The following ANKRD6 variants were observed in gnomAD, a reference collection of about 807,000 sequenced individuals.
ANKRD6 encodes the protein ankyrin repeat domain-containing protein 6.
Under a neutral mutation model 82.3 loss-of-function variants are expected in ANKRD6, and 56 were observed. That is an observed-to-expected ratio of 0.68 (90% CI 0.55 to 0.85). ANKRD6 has a LOEUF of 0.85. Ranked by LOEUF, ANKRD6 falls within the 40% of genes least tolerant of loss-of-function variation. The probability of loss-of-function intolerance (pLI) is 0.00; values close to 1 mark genes in which losing one functional copy is unlikely to be tolerated. For synonymous variants in ANKRD6, 347 were observed against 352.1 expected, an observed-to-expected ratio of 0.99 and a Z score of 0.16; for missense variants, 852 against 907.6, an observed-to-expected ratio of 0.94 and a Z score of 0.79.
chr6:89,509,021 C>G (rs1780208563), intron 1 of ANKRD6: 1 of 152,306 alleles, frequency 6.6e-6, no homozygotes, highest in Non-Finnish European at 1.5e-5. Flanking sequence ...AGCTCTTGCA[C>G]AGGGATGGGA....
intron 1 of ANKRD6, among the ~76,000 whole-genome samples, chr6:89,487,736 T>A (rs1171724056): frequency 6.6e-6 from 1 of 152,192 alleles, no homozygotes; most frequent in Non-Finnish European, 1.5e-5. Flanking sequence ...CCTTCTCTCA[T>A]TGATCAAGGA....
intron 1 of ANKRD6, among the ~76,000 whole-genome samples, chr6:89,485,336 C>T (rs1163170959): frequency 1.3e-5 from 2 of 152,146 alleles, no homozygotes; most frequent in African/African-American, 4.8e-5. Context: ...TCAGGACATG[C>T]GGCTGTGGCA....
At chr6:89,579,960 G>A (rs927632176) in intron 2 of ANKRD6, among the ~76,000 whole-genome samples, 2 of 152,036 alleles carry the variant, frequency 1.3e-5, no homozygotes, top group Non-Finnish European at 2.9e-5. Flanking sequence ...GGACATACTG[G>A]TATCTTCCAG....
intron 1 of ANKRD6, among the ~76,000 whole-genome samples, chr6:89,517,527 G>A (rs1045691681): frequency 6.6e-6 from 1 of 152,122 alleles, no homozygotes; most frequent in Non-Finnish European, 1.5e-5. Flanking sequence ...GTATAATGTC[G>A]AAAGAAGTTG....
chr6:89,502,704 T>G (rs1412802024), intron 1 of ANKRD6, among the ~76,000 whole-genome samples: 1 of 152,236 alleles, frequency 6.6e-6, no homozygotes, highest in African/African-American at 2.4e-5. Flanking sequence ...TTTTGGCTAT[T>G]GTCAAGAAAA....
chr6:89,508,784 T>A (rs1300849709), intron 1 of ANKRD6: 4 of 152,224 alleles, frequency 2.6e-5, no homozygotes, highest in Admixed American at 2.0e-4. Flanking sequence ...GGGAGATTTT[T>A]AAGAAAATCT....
chr6:89,600,339 G>C (rs1377887631), intron 3 of ANKRD6, among the ~76,000 whole-genome samples: 3 of 152,190 alleles, frequency 2.0e-5, no homozygotes, highest in Admixed American at 1.3e-4. Flanking sequence ...CCAAGGCTTA[G>C]GTTAGTCTGT....
intron 3 of ANKRD6, among the ~76,000 whole-genome samples, chr6:89,598,911 C>T (rs535279545): frequency 5.9e-5 from 9 of 152,232 alleles, no homozygotes; most frequent in African/African-American, 9.6e-5. Context: ...TTCTGAGGCT[C>T]GTCCTAAGGT....
chr6:89,498,331 G>A (rs1383453083), intron 1 of ANKRD6, among the ~76,000 whole-genome samples: 1 of 152,112 alleles, frequency 6.6e-6, no homozygotes, highest in African/African-American at 2.4e-5. Flanking sequence ...GGCTACCTAG[G>A]TAAGGGGGAA....
At chr6:89,454,259 T>G (rs1773240470) in intron 1 of ANKRD6, among the ~76,000 whole-genome samples, 1 of 152,230 alleles carries the variant, frequency 6.6e-6, no homozygotes, top group Non-Finnish European at 1.5e-5. Context: ...ATTCCCATGG[T>G]CAGCTATTTC....
At chr6:89,514,377 C>A (rs908876497) in intron 1 of ANKRD6, among the ~76,000 whole-genome samples, 2 of 150,966 alleles carry the variant, frequency 1.3e-5, no homozygotes, top group African/African-American at 4.9e-5. Flanking sequence ...GACTCCATCT[C>A]AAAAAAAAAA....
chr6:89,446,800 A>G (rs187226565), intron 1 of ANKRD6, among the ~76,000 whole-genome samples: 3 of 152,272 alleles, frequency 2.0e-5, no homozygotes, highest in Admixed American at 2.0e-4. Context: ...TAATTTAATC[A>G]TGGGGGCAGT....
At chr6:89,565,105 C>T (rs1181858331) in intron 1 of ANKRD6, 1 of 152,218 alleles carries the variant, frequency 6.6e-6, no homozygotes, top group African/African-American at 2.4e-5. Context: ...AGACTGTGGC[C>T]GTTCAGCGTG....
intron 1 of ANKRD6, among the ~76,000 whole-genome samples, chr6:89,435,487 CT>C (rs1770522126): frequency 6.6e-6 from 1 of 152,138 alleles, no homozygotes; most frequent in African/African-American, 2.4e-5. Flanking sequence ...CTTTATTTTT[CT>C]TTTTTTCTCA....
chr6:89,585,638 A>C (rs1256786331), intron 2 of ANKRD6, among the ~76,000 whole-genome samples: 2 of 152,180 alleles, frequency 1.3e-5, no homozygotes, highest in African/African-American at 4.8e-5. Context: ...GCCAGATGTG[A>C]TGGCTCACGC....
intron 1 of ANKRD6, among the ~76,000 whole-genome samples, chr6:89,472,332 A>G (rs1200161641): frequency 6.6e-6 from 1 of 152,172 alleles, no homozygotes; most frequent in Non-Finnish European, 1.5e-5. Context: ...TTCAATCCAT[A>G]ACAGCAACCC....
chr6:89,487,469 A>G (rs1340812863), intron 1 of ANKRD6, among the ~76,000 whole-genome samples: 1 of 152,228 alleles, frequency 6.6e-6, no homozygotes, highest in East Asian at 1.9e-4. Context: ...ATTTCTTTCC[A>G]GGAAGCTTGT....
chr6:89,576,795 G>A (rs572955464), intron 2 of ANKRD6, among the ~76,000 whole-genome samples: 5 of 152,096 alleles, frequency 3.3e-5, no homozygotes, highest in African/African-American at 1.2e-4. Flanking sequence ...GCTTTCCTCA[G>A]GCCCTCTGCG....
In ANKRD6 at chr6:89,603,320, A is replaced by ATT. The variant is rs1229759944; in HGVS notation, c.318+215_318+216dup. 4.0e-3 allele frequency among the ~76,000 whole-genome samples: 455 copies of ATT among 114,616 alleles called. 2 individuals carry two copies. Among genetic ancestry groups the ATT allele is most frequent in the African/African-American group, 0.01 (293 of 28,818 alleles). The allele number at this position is 114,616 out of a possible 152,430, so 75.2% of individuals were successfully genotyped here. A position where few individuals can be genotyped will look rare whatever the true frequency, so the allele number is the denominator to read the frequency against. On this transcript the variant is annotated intron_variant, in intron 4 of 15. Transcript: ENST00000339746. ...CTATCTGGTATCCCAGCCAATTGTA[A>ATT]TTTTTTTTTTTTTTTTTTTTTTTGG...
Sources: allele counts gnomAD v4.1 joint callset (sites outside exome capture counted in the v4.1 genomes callset), GRCh38; gene constraint gnomAD v4.1.1; transcripts MANE v1.5; gene names NCBI Gene and HGNC (gene_info 2026-07-23, HGNC 2026-07-21).